Variants in SLCO1A2 observed in about 807,000 individuals in gnomAD.
SLCO1A2 encodes the protein solute carrier organic anion transporter family member 1A2.
A neutral mutation model predicts 69.0 loss-of-function variants in SLCO1A2; 67 were observed. That is an observed-to-expected ratio of 0.97 (90% CI 0.80 to 1.19). SLCO1A2 has a LOEUF of 1.19. SLCO1A2 is among the 50% of genes most tolerant of loss of function. SLCO1A2 has a pLI of 0.00. For missense variants in SLCO1A2, 787 were observed against 793.7 expected (o/e 0.99, Z 0.10); for synonymous variants, 260 against 265.9 (o/e 0.98, Z 0.22).
Position 21,292,248 on chromosome 12 carries a change from A to G in SLCO1A2, c.1526T>C (p.Met509Thr), listed in dbSNP as rs755737475. The part of the protein sequence containing the change: ...LCDKGPDCSL[M>T]LQYFLILSAM... ...TGACAAGATTAGGAAGTACTGGAGC[A>G]TCAAGGAACAGTCAGGTCCTTTGTC... Residue 509 changes from methionine (M) to threonine (T), a missense_variant, in exon 12 of 15, where the codon ATG (methionine) becomes ACG (threonine). Met to Thr is a moderately conservative substitution (Grantham distance 81). Coordinates refer to ENST00000683939, the MANE Select transcript of SLCO1A2 (RefSeq NM_001386879.1). 1.4e-5 allele frequency: 22 copies of G among 1,613,232 alleles called. No homozygotes were observed. The South Asian group carries it at 2.3e-4, about 17-fold the overall frequency.
At chr12:21,304,653 C>A in intron 5 of SLCO1A2, 80 bp from the exon 6 acceptor site, 1 of 1,319,436 alleles carries the variant, frequency 7.6e-7, no homozygotes, top group Non-Finnish European at 1.1e-6. Flanking sequence ...TTTCTGTAGG[C>A]ATTTCACAGT....
chr12:21,406,250 C>G (rs2137199940), intron 1 of SLCO1A2, among the ~76,000 whole-genome samples: 1 of 152,310 alleles, frequency 6.6e-6, no homozygotes, highest in South Asian at 2.1e-4. Context: ...ACATTTTTTT[C>G]TAAAATCCCT....
intron 1 of SLCO1A2, among the ~76,000 whole-genome samples, chr12:21,386,981 G>C (rs1940913281): frequency 6.6e-6 from 1 of 152,154 alleles, no homozygotes; most frequent in Admixed American, 6.5e-5. Context: ...TGAAGTCCAG[G>C]CTGAGGTGGT....
intron 2 of SLCO1A2, among the ~76,000 whole-genome samples, chr12:21,350,059 C>T (rs1476770327): frequency 6.6e-6 from 1 of 151,964 alleles, no homozygotes; most frequent in South Asian, 2.1e-4. Context: ...AATTAGTTGC[C>T]GTTTTCCAAT....
chr12:21,319,393 C>G, intron 2 of SLCO1A2: 2 of 1,367,970 alleles, frequency 1.5e-6, no homozygotes, highest in Non-Finnish European at 2.0e-6. Context: ...CCACTCTTTC[C>G]TGTTCTTGCT....
chr12:21,363,308 C>T lies in SLCO1A2; in HGVS notation c.-63+11091G>A, dbSNP rs545646975. Among the ~76,000 whole-genome samples the T allele has an allele frequency of 8.5e-5, 13 of 152,114 alleles. No individual in the cohort carries two copies. In the East Asian group the frequency reaches 9.6e-4, roughly 11 times the overall value. On this transcript the variant is annotated intron_variant, in intron 2 of 15. Transcript: ENST00000307378. ...TCCTGAATGACTACTGGGTACATAA[C>T]GAAATGAAGGCAGAAATAAAGATGT...
intron 1 of SLCO1A2, among the ~76,000 whole-genome samples, chr12:21,387,809 T>A (rs1254652574): frequency 6.6e-6 from 1 of 151,814 alleles, no homozygotes; most frequent in Admixed American, 6.6e-5. Flanking sequence ...ACCGACAGCT[T>A]GCACCGTGCA....
upstream of SLCO1A2, among the ~76,000 whole-genome samples, chr12:21,396,962 A>G (rs1941488716): frequency 6.6e-6 from 1 of 151,972 alleles, no homozygotes; most frequent in African/African-American, 2.4e-5. Context: ...AAACTGCATC[A>G]ACTAACGAGC....
At chr12:21,363,065 T>C (rs145459905) in intron 2 of SLCO1A2, among the ~76,000 whole-genome samples, 7,864 of 152,182 alleles carry the variant, frequency 0.052, 286 homozygotes, top group Non-Finnish European at 0.079. Flanking sequence ...TCTACAGAAC[T>C]CTCCACCCCA....
At chr12:21,359,702 G>A (rs529724358) in intron 2 of SLCO1A2, among the ~76,000 whole-genome samples, 70 of 151,200 alleles carry the variant, frequency 4.6e-4, no homozygotes, top group Non-Finnish European at 7.4e-4. Context: ...AGCCGAGATC[G>A]TGCCACTGCA....
Position 21,295,739 on chromosome 12 carries a change from T to A in SLCO1A2, c.1129A>T (p.Met377Leu). ...CIGYIIGGLI[M>L]KKFKITVKQA... ...TTGACAGTAATCTTGAACTTCTTCA[T>A]AATTAAACCACCAATTATATATCCA... The change falls in exon 10 of 15, where the codon ATG (methionine) becomes TTG (leucine). Residue 377 changes from methionine to leucine, a missense_variant. By Grantham distance (15) the Met-to-Leu change is conservative. Transcript: ENST00000683939. The A allele has an allele frequency of 6.2e-7, 1 of 1,604,422 alleles. No homozygotes were observed. Among genetic ancestry groups the A allele is most frequent in the Non-Finnish European group, 8.5e-7 (1 of 1,171,414 alleles).
At chr12:21,287,241 C>G (rs1301186601) in intron 12 of SLCO1A2, among the ~76,000 whole-genome samples, 9 of 149,440 alleles carry the variant, frequency 6.0e-5, no homozygotes, top group Non-Finnish European at 1.3e-4. Context: ...ATTTATGCAG[C>G]CAAAAAACAC....
chr12:21,362,010 G>C (rs182486959), intron 2 of SLCO1A2, among the ~76,000 whole-genome samples: 2 of 152,146 alleles, frequency 1.3e-5, no homozygotes, highest in African/African-American at 4.8e-5. Context: ...ACCTAGCGGG[G>C]AAGGCCAACA....
At chr12:21,310,797 G>T (rs1176376478) in intron 4 of SLCO1A2, among the ~76,000 whole-genome samples, 1 of 152,110 alleles carries the variant, frequency 6.6e-6, no homozygotes, top group African/African-American at 2.4e-5. Flanking sequence ...TAGAGACGGG[G>T]TTTCACCGTG....
rs1952819382 is a variant in SLCO1A2, at chr12:21,334,716, A to C, written c.-62-7T>G. 1 of 1,266,490 alleles carries C rather than the reference A, an allele frequency of 7.9e-7. No individual in the cohort carries two copies. Among genetic ancestry groups the C allele is most frequent in the East Asian group, 2.4e-5 (1 of 41,164 alleles). 78.5% of individuals were successfully genotyped at this position (1,266,490 alleles called of 1,614,324 possible). A position where few individuals can be genotyped will look rare whatever the true frequency, so the allele number is the denominator to read the frequency against. The stretch of plus-strand genomic sequence containing the variant: ...GATATGTCTTACTTCTACCCTTTCA[A>C]GCAAACAAAAAAATATGTTAAATTA... On this transcript the variant is annotated splice_polypyrimidine_tract_variant and splice_region_variant and intron_variant, in intron 1 of 14. Transcript: ENST00000683939.
At chr12:21,381,252 T>G (rs922313772) in intron 1 of SLCO1A2, among the ~76,000 whole-genome samples, 6 of 151,964 alleles carry the variant, frequency 3.9e-5, no homozygotes, top group Non-Finnish European at 8.8e-5. Flanking sequence ...GAGAAAATAT[T>G]TGCAAACTAC....
chr12:21,385,564 T>C (rs1213719944), intron 1 of SLCO1A2, among the ~76,000 whole-genome samples: 1 of 152,176 alleles, frequency 6.6e-6, no homozygotes, highest in South Asian at 2.1e-4. Context: ...AGGGGTAAAC[T>C]GTGAGGAAAG....
upstream of SLCO1A2, among the ~76,000 whole-genome samples, chr12:21,337,932 G>A (rs1014618662): frequency 5.3e-5 from 8 of 151,962 alleles, no homozygotes; most frequent in Non-Finnish European, 5.9e-5. Context: ...ATTTCACCAT[G>A]CAAAGCAAAG....
At chr12:21,316,704 C>A (rs997152433) in intron 3 of SLCO1A2, among the ~76,000 whole-genome samples, 2 of 152,090 alleles carry the variant, frequency 1.3e-5, no homozygotes, top group East Asian at 3.9e-4. Context: ...AAGATCTATT[C>A]TTTGTCCATT....
Sources: gnomAD v4.1 joint callset for allele counts (sites outside exome capture counted in the v4.1 genomes callset) on GRCh38, gnomAD v4.1.1 for gene constraint, MANE v1.5 for transcripts, NCBI Gene and HGNC (gene_info 2026-07-23, HGNC 2026-07-21) for gene names.